TBC1D22A: variants seen among roughly 807,000 people sequenced by gnomAD.
TBC1D22A encodes putative GTPase activator.
TBC1D22A carries 38 observed loss-of-function variants against 60.2 expected under a neutral mutation model. The ratio of observed to expected loss-of-function variants is 0.63; its 90% CI spans 0.49 to 0.83. TBC1D22A has a LOEUF of 0.83. Among genes scored for constraint, TBC1D22A ranks in the 40% least tolerant of loss-of-function variants. TBC1D22A has a pLI of 0.00. For missense variants in TBC1D22A, 628 were observed against 701.0 expected, an observed-to-expected ratio of 0.90 and a Z score of 1.18; for synonymous variants, 302 against 281.7, an observed-to-expected ratio of 1.07 and a Z score of -0.72.
rs371259752 is a variant in TBC1D22A at position 47,165,369 on chromosome 22, A to G, written c.1426-8129A>G. Among the ~76,000 whole-genome samples the G allele has an allele frequency of 3.3e-5, 5 of 152,186 alleles. No individual in the cohort carries two copies. In the South Asian group the frequency reaches 8.3e-4, roughly 25 times the overall value. On this transcript the variant is annotated intron_variant, in intron 12 of 12. Transcript: ENST00000337137. ...CAGTGGTCATGATGAGCACGAAACA[A>G]CAGGGCGAGTTTCTGGAGCTCTTTG...
At chr22:46,821,738 T>C (rs1387541130) in intron 4 of TBC1D22A, among the ~76,000 whole-genome samples, 17 of 152,076 alleles carry the variant, frequency 1.1e-4, no homozygotes, top group Non-Finnish European at 2.5e-4. Flanking sequence ...TTGTGGAGTA[T>C]CTTAATGGTG....
intron 4 of TBC1D22A, among the ~76,000 whole-genome samples, chr22:46,847,392 G>A (rs948178300): frequency 2.0e-5 from 3 of 152,192 alleles, no homozygotes; most frequent in African/African-American, 2.4e-5. Context: ...TGCCCTAGAC[G>A]TACCCAGTAG....
In TBC1D22A at chr22:47,147,832, C is replaced by T. The variant is rs542079155; in HGVS notation, c.1426-25666C>T. 2.6e-4 allele frequency among the ~76,000 whole-genome samples: 39 copies of T among 152,264 alleles called. No individual in the cohort carries two copies. The South Asian group carries it at 6.4e-3, about 25-fold the overall frequency. On this transcript the variant is annotated intron_variant, in intron 12 of 12. Coordinates refer to ENST00000337137, the MANE Select transcript of TBC1D22A (RefSeq NM_014346.5). ...GAGGGAGGATGGGACTCAGAGCCAG[C>T]GGGGAGCTAGGCTGTCGGTCCTGGG... is the stretch of plus-strand genomic sequence containing the variant.
At chr22:46,921,106 G>T (rs575293833) in intron 8 of TBC1D22A, among the ~76,000 whole-genome samples, 1 of 152,184 alleles carries the variant, frequency 6.6e-6, no homozygotes, top group South Asian at 2.1e-4. Flanking sequence ...TTTATTTTAG[G>T]TTCAAGGGTA....
chr22:47,143,272 G>A (rs1472699539), intron 12 of TBC1D22A, among the ~76,000 whole-genome samples: 2 of 152,268 alleles, frequency 1.3e-5, no homozygotes, highest in Non-Finnish European at 2.9e-5. Flanking sequence ...TCTACAAATC[G>A]ACGGAGACCT....
At chr22:47,041,670 C>T (rs131883) in intron 11 of TBC1D22A, among the ~76,000 whole-genome samples, 101,051 of 152,168 alleles carry the variant, frequency 0.66, 34,602 homozygotes, top group East Asian at 0.92. Context: ...CTGTGCATCC[C>T]TGGGCGAGCC....
At chr22:46,820,673 C>T (rs772751105) in intron 4 of TBC1D22A, among the ~76,000 whole-genome samples, 17 of 152,160 alleles carry the variant, frequency 1.1e-4, no homozygotes, top group African/African-American at 2.7e-4. Context: ...TTAGAATAAG[C>T]GCCATGTGGC....
In TBC1D22A at chr22:46,944,177, T is replaced by C. The variant is rs2072360698; in HGVS notation, c.1016-30113T>C. 2.0e-5 allele frequency among the ~76,000 whole-genome samples: 3 copies of C among 152,228 alleles called. No homozygotes were observed. In the South Asian group the frequency reaches 6.2e-4, roughly 31 times the overall value. On this transcript the variant is annotated intron_variant, in intron 8 of 12. Coordinates refer to ENST00000337137, the MANE Select transcript of TBC1D22A (RefSeq NM_014346.5). ...CAGCAAAGGAGGAGGGTTGTGTTTCTCCACATCCCTGTCAGCACTTACTAT... is the reference window on the plus strand; with the variant it reads ...CAGCAAAGGAGGAGGGTTGTGTTTCCCCACATCCCTGTCAGCACTTACTAT...
chr22:47,057,145 G>C (rs2063420341), intron 11 of TBC1D22A, among the ~76,000 whole-genome samples: 1 of 152,226 alleles, frequency 6.6e-6, no homozygotes, highest in Non-Finnish European at 1.5e-5. Flanking sequence ...TTGATGTCAA[G>C]TTTGGTCATT....
intron 4 of TBC1D22A, among the ~76,000 whole-genome samples, chr22:46,806,787 G>A (rs1162192782): frequency 8.5e-5 from 13 of 152,194 alleles, no homozygotes; most frequent in African/African-American, 2.4e-4. Flanking sequence ...GAGGGCGGAG[G>A]TGAGTGCCTG....
intron 3 of TBC1D22A, 115 bp downstream of exon 3, chr22:46,793,956 C>T (rs1374227952): frequency 6.9e-6 from 7 of 1,020,502 alleles, no homozygotes; most frequent in Non-Finnish European, 7.0e-6. Context: ...GCAGCAGGCC[C>T]CCTGGCCCAC....
intron 4 of TBC1D22A, among the ~76,000 whole-genome samples, chr22:46,832,561 G>A (rs1267002379): frequency 2.6e-5 from 4 of 152,068 alleles, no homozygotes; most frequent in Non-Finnish European, 5.9e-5. Context: ...CAGGAGAATC[G>A]CTTGAAACAG....
chr22:47,006,053 CAT>C (rs568731931), intron 10 of TBC1D22A, among the ~76,000 whole-genome samples: 102 of 152,280 alleles, frequency 6.7e-4, no homozygotes, highest in African/African-American at 1.3e-3. Context: ...CACACACACA[CAT>C]GTATTTAGAC....
At chr22:46,922,654 G>T (rs187300297) in intron 8 of TBC1D22A, among the ~76,000 whole-genome samples, 1 of 152,220 alleles carries the variant, frequency 6.6e-6, no homozygotes, top group Non-Finnish European at 1.5e-5. Context: ...TATGTTACCT[G>T]GTTAGCTGTA....
chr22:46,849,412 A>G (rs759517043), intron 4 of TBC1D22A, among the ~76,000 whole-genome samples: 1 of 152,092 alleles, frequency 6.6e-6, no homozygotes, highest in African/African-American at 2.4e-5. Flanking sequence ...CTCAGATCCC[A>G]TTACCTCCCA....
rs578007671 is a variant in TBC1D22A at position 46,810,824 on chromosome 22, T to C, written c.637+13204T>C. ...GCTTTCGACCCTTCTAGACGCCCCATGGTGATACACTCTTCCATTAAGGAA... is the reference window on the plus strand; with the variant it reads ...GCTTTCGACCCTTCTAGACGCCCCACGGTGATACACTCTTCCATTAAGGAA... On this transcript the variant is annotated intron_variant, in intron 4 of 12. Coordinates refer to ENST00000337137, the MANE Select transcript of TBC1D22A (RefSeq NM_014346.5). 3.9e-5 allele frequency among the ~76,000 whole-genome samples: 6 copies of C among 152,286 alleles called. No homozygotes were observed. In the South Asian group the frequency reaches 1.2e-3, roughly 32 times the overall value.
chr22:46,931,400 C>T (rs1165963012), intron 8 of TBC1D22A, among the ~76,000 whole-genome samples: 1 of 152,160 alleles, frequency 6.6e-6, no homozygotes, highest in Admixed American at 6.5e-5. Context: ...TTTAAAATTA[C>T]AGTCATTGTT....
chr22:46,815,385 T>C (rs1303364212), intron 4 of TBC1D22A, among the ~76,000 whole-genome samples: 1 of 152,220 alleles, frequency 6.6e-6, no homozygotes, highest in Non-Finnish European at 1.5e-5. Context: ...TCTGTATCAG[T>C]GTTTTTGAAT....
chr22:46,775,479 C>T (rs1425158626), intron 1 of TBC1D22A, among the ~76,000 whole-genome samples: 3 of 152,142 alleles, frequency 2.0e-5, no homozygotes. Flanking sequence ...GAGCACAGAG[C>T]GCCACCTCTT....
Sources: allele counts gnomAD v4.1 joint callset (sites outside exome capture counted in the v4.1 genomes callset), GRCh38; gene constraint gnomAD v4.1.1; transcripts MANE v1.5; gene names NCBI Gene and HGNC (gene_info 2026-07-23, HGNC 2026-07-21).